Variants in DACH2 observed in about 807,000 individuals in gnomAD.
DACH2 encodes dachshund homolog 2.
DACH2 carries 17 observed loss-of-function variants against 35.8 expected under a neutral mutation model. The observed-to-expected ratio is 0.48, with a 90% CI of 0.33 to 0.71. The LOEUF is 0.71. DACH2 is among the 30% of genes least tolerant of loss of function. The pLI, the probability that DACH2 is intolerant of heterozygous loss-of-function variation, is 0.02. For synonymous variants in DACH2, 195 were observed against 177.3 expected, an observed-to-expected ratio of 1.10 and a Z score of -0.79; for missense variants, 469 against 472.7, an observed-to-expected ratio of 0.99 and a Z score of 0.07.
Position 86,342,991 on chromosome X carries a change from G to C in DACH2, c.489-33833G>C, listed in dbSNP as rs1349942586. ...AAAGCACAATAATTGTTTAAATTAA[G>C]ATATATACATTGGCTTTTTAGACAT... is the stretch of plus-strand genomic sequence containing the variant. On this transcript the variant is annotated intron_variant, in intron 1 of 11. Coordinates refer to ENST00000373125, the MANE Select transcript of DACH2 (RefSeq NM_053281.3). Among the ~76,000 whole-genome samples the C allele has an allele frequency of 4.5e-5, 5 of 111,241 alleles. No individual in the cohort carries two copies. In the East Asian group the frequency reaches 1.4e-3, roughly 32 times the overall value.
chrX:86,576,057 T>A (rs765587189), intron 3 of DACH2, among the ~76,000 whole-genome samples: 1 of 112,387 alleles, frequency 8.9e-6, no homozygotes, highest in African/African-American at 3.2e-5. Flanking sequence ...TCTTCATCCA[T>A]TCATTCATTT....
intron 1 of DACH2, among the ~76,000 whole-genome samples, chrX:86,198,933 G>T (rs552794986): frequency 2.0e-4 from 22 of 110,518 alleles, no homozygotes; most frequent in African/African-American, 6.9e-4. Flanking sequence ...GCATCATCCT[G>T]ATATCAAAAC....
intron 1 of DACH2, among the ~76,000 whole-genome samples, chrX:86,337,375 T>A (rs1352866741): frequency 8.9e-6 from 1 of 112,211 alleles, no homozygotes; most frequent in Non-Finnish European, 1.9e-5. Context: ...TAACAGCTGA[T>A]CTCTCTGCAG....
intron 1 of DACH2, among the ~76,000 whole-genome samples, chrX:86,326,926 A>G (rs2035126260): frequency 9.0e-6 from 1 of 111,563 alleles, no homozygotes; most frequent in Admixed American, 9.5e-5. Flanking sequence ...ATAACCATCA[A>G]TCGGTTCATG....
intron 2 of DACH2, among the ~76,000 whole-genome samples, chrX:86,480,844 T>A (rs2148233843): frequency 8.9e-6 from 1 of 112,317 alleles, no homozygotes; most frequent in African/African-American, 3.2e-5. Context: ...TAAGATTGTC[T>A]AATGGTCAAT....
At chrX:86,363,806 G>T (rs1234359480) in intron 1 of DACH2, among the ~76,000 whole-genome samples, 1 of 111,513 alleles carries the variant, frequency 9.0e-6, no homozygotes, top group Non-Finnish European at 1.9e-5. Context: ...TTGAGCAGAT[G>T]AAATGGATGA....
chrX:86,240,447 ATT>A (rs1035863834), intron 1 of DACH2, among the ~76,000 whole-genome samples: 2 of 47,094 alleles, frequency 4.2e-5, no homozygotes, highest in African/African-American at 1.2e-4. Context: ...GATTATTATT[ATT>A]ATTATTATTA....
At chrX:86,512,005 A>C (rs529255603) in intron 2 of DACH2, among the ~76,000 whole-genome samples, 2 of 112,321 alleles carry the variant, frequency 1.8e-5, no homozygotes, top group Non-Finnish European at 3.8e-5. Context: ...CTGTACAAGC[A>C]GTGAAAGATT....
intron 1 of DACH2, among the ~76,000 whole-genome samples, chrX:86,341,380 C>G (rs2035409310): frequency 8.9e-6 from 1 of 111,771 alleles, no homozygotes; most frequent in Non-Finnish European, 1.9e-5. Flanking sequence ...ACTTAGATGA[C>G]AGCATGTTTG....
rs1569487261 is a variant in DACH2, at chrX:86,831,197, AG to A, written c.1751-906del. Reference sequence around the variant, plus strand: ...AAGATATTATACACAAGGTTAAAAAAGGGTATACTTTCCTCCTAATAAGCTT... The same window carrying A: ...AAGATATTATACACAAGGTTAAAAAAGGTATACTTTCCTCCTAATAAGCTT... On this transcript the variant is annotated intron_variant, in intron 11 of 11. Transcript: ENST00000373125. 3 of 111,900 alleles carry A rather than the reference AG, an allele frequency of 2.7e-5. No individual in the cohort carries two copies. The East Asian group carries it at 8.4e-4, about 31-fold the overall frequency. 9.2% of individuals were successfully genotyped at this position (111,900 alleles called of 1,213,427 possible). A position where few individuals can be genotyped will look rare whatever the true frequency, so the allele number is the denominator to read the frequency against.
chrX:86,590,995 C>T (rs915844468), intron 3 of DACH2, among the ~76,000 whole-genome samples: 15 of 109,279 alleles, frequency 1.4e-4, no homozygotes, highest in African/African-American at 4.3e-4. Context: ...CAACAGTCCC[C>T]GGTGTGTGAT....
chrX:86,610,998 T>G (rs1162493528), intron 3 of DACH2, among the ~76,000 whole-genome samples: 2 of 110,546 alleles, frequency 1.8e-5, no homozygotes, highest in East Asian at 5.8e-4. Flanking sequence ...CTCAGTGTAG[T>G]CACCACAGCT....
intron 2 of DACH2, among the ~76,000 whole-genome samples, chrX:86,449,134 G>A (rs1202877413): frequency 6.8e-5 from 2 of 29,317 alleles, no homozygotes; most frequent in African/African-American, 1.4e-4. Flanking sequence ...CTGTGGGATC[G>A]GTGGTGATAT....
At position 86,431,060 on chromosome X, in the gene DACH2, A is replaced by G. The variant is rs185480803; in HGVS notation, c.527+54198A>G. 2.7e-4 allele frequency among the ~76,000 whole-genome samples: 30 copies of G among 111,949 alleles called. No homozygotes were observed. In the East Asian group the frequency reaches 3.1e-3, roughly 12 times the overall value. On this transcript the variant is annotated intron_variant, in intron 2 of 11. Coordinates refer to ENST00000373125, the MANE Select transcript of DACH2 (RefSeq NM_053281.3). Reference sequence around the variant, plus strand: ...TGTATTTTATTTATTGATTTTATTAAGTAAATTTCATCTCTTTAGGCTTGA... The same window carrying G: ...TGTATTTTATTTATTGATTTTATTAGGTAAATTTCATCTCTTTAGGCTTGA...
At chrX:86,530,902 T>A (rs1193424189) in intron 3 of DACH2, among the ~76,000 whole-genome samples, 1 of 111,706 alleles carries the variant, frequency 9.0e-6, no homozygotes, top group Non-Finnish European at 1.9e-5. Context: ...TGAGGTGGTC[T>A]CAGATGGAGA....
intron 1 of DACH2, among the ~76,000 whole-genome samples, chrX:86,320,398 A>C (rs944069745): frequency 8.9e-6 from 1 of 112,024 alleles, no homozygotes; most frequent in Non-Finnish European, 1.9e-5. Context: ...CCCAATTTGC[A>C]CCACTACCTG....
intron 4 of DACH2, among the ~76,000 whole-genome samples, chrX:86,685,046 A>T (rs751091041): frequency 6.3e-4 from 70 of 111,973 alleles, no homozygotes; most frequent in Non-Finnish European, 6.8e-4. Context: ...GATGACCTTT[A>T]CAATATTTTA....
intron 5 of DACH2, among the ~76,000 whole-genome samples, chrX:86,705,882 A>T (rs1298604755): frequency 3.6e-5 from 4 of 112,090 alleles, no homozygotes; most frequent in Non-Finnish European, 7.5e-5. Flanking sequence ...ATAACGTGTT[A>T]TATGTATACA....
chrX:86,255,361 C>T (rs1250573131), intron 1 of DACH2, among the ~76,000 whole-genome samples: 1 of 111,048 alleles, frequency 9.0e-6, no homozygotes, highest in Non-Finnish European at 1.9e-5. Flanking sequence ...CTTGATATAA[C>T]TTGGTTCTTA....
Sources: gnomAD v4.1 joint callset for allele counts (sites outside exome capture counted in the v4.1 genomes callset) on GRCh38, gnomAD v4.1.1 for gene constraint, MANE v1.5 for transcripts, NCBI Gene and HGNC (gene_info 2026-07-23, HGNC 2026-07-21) for gene names.